The following DLGAP4 variants were observed in gnomAD, a reference collection of about 807,000 sequenced individuals.
The protein encoded by DLGAP4 is DLG associated protein 4, also known as disks large-associated protein 4.
In DLGAP4, 18 loss-of-function variants were observed where a neutral mutation model predicts 86.9. The ratio of observed to expected loss-of-function variants is 0.21; its 90% CI spans 0.14 to 0.31. The LOEUF is 0.31. Among genes scored for constraint, DLGAP4 ranks in the 10% least tolerant of loss-of-function variants. The pLI is 1.00. For synonymous variants in DLGAP4, 548 were observed against 574.3 expected, an observed-to-expected ratio of 0.95 and a Z score of 0.65; for missense variants, 1,085 against 1,362.6, an observed-to-expected ratio of 0.80 and a Z score of 3.21.
rs2031848916 is a variant in DLGAP4 at position 36,393,448 on chromosome 20, G to A, written c.-73+26173G>A. Reference sequence around the variant, plus strand: ...CGGCTGCTAACTTACGAAGTGCTGGGCTCCTGGGAGACGCTCTGGGGTCTG... The same window carrying A: ...CGGCTGCTAACTTACGAAGTGCTGGACTCCTGGGAGACGCTCTGGGGTCTG... On this transcript the variant is annotated intron_variant, in intron 2 of 12. Coordinates refer to ENST00000339266, the MANE Select transcript of DLGAP4 (RefSeq NM_001365621.2). This position sits in a 1 kb window ranked among gnomAD's most constrained non-coding sequence, Gnocchi z 4.4. 6.6e-6 allele frequency among the ~76,000 whole-genome samples: 1 copy of A among 152,150 alleles called. No homozygotes were observed. The highest frequency in any genetic ancestry group is 1.5e-5 in the Non-Finnish European group (1 of 68,018).
At chr20:36,518,158 G>A (rs2147843507) in intron 10 of DLGAP4, among the ~76,000 whole-genome samples, 1 of 151,790 alleles carries the variant, frequency 6.6e-6, no homozygotes, top group Admixed American at 6.6e-5. Context: ...GGAGGCAGAG[G>A]TTGCAGTGAG....
At chr20:36,465,381 A>C (rs1164067048) in intron 7 of DLGAP4, 5 of 152,202 alleles carry the variant, frequency 3.3e-5, no homozygotes, top group Non-Finnish European at 1.5e-5. Flanking sequence ...AATGAAAAAT[A>C]GGGGGCCCAG....
chr20:36,333,970 C>T (rs1201484848), intron 1 of DLGAP4, among the ~76,000 whole-genome samples: 2 of 152,256 alleles, frequency 1.3e-5, no homozygotes, highest in African/African-American at 4.8e-5. Context: ...CCCCACCCAG[C>T]GACCCACAAC....
intron 7 of DLGAP4, chr20:36,462,398 C>A: frequency 2.9e-6 from 4 of 1,367,990 alleles, no homozygotes; most frequent in South Asian, 1.8e-5. Flanking sequence ...CCACTCTGTG[C>A]CTCTTGCGCT....
intron 1 of DLGAP4, among the ~76,000 whole-genome samples, chr20:36,335,713 A>G (rs2065315016): frequency 6.6e-6 from 1 of 152,070 alleles, no homozygotes; most frequent in African/African-American, 2.4e-5. Context: ...GCCTTTGCAC[A>G]TGCTGTTTCC....
intron 7 of DLGAP4, chr20:36,462,403 T>TAAAAAATG: frequency 6.9e-7 from 1 of 1,456,898 alleles, no homozygotes; most frequent in South Asian, 1.5e-5. Flanking sequence ...CTGTGCCTCT[T>TAAAAAATG]GCGCTGAAGG....
chr20:36,493,845 G>A (rs558151657), intron 7 of DLGAP4, among the ~76,000 whole-genome samples: 1 of 152,250 alleles, frequency 6.6e-6, no homozygotes, highest in Non-Finnish European at 1.5e-5. Context: ...CACAGGCTCT[G>A]AGGCTTACGT....
intron 2 of DLGAP4, among the ~76,000 whole-genome samples, chr20:36,397,897 G>A (rs1431473512): frequency 2.6e-5 from 4 of 152,168 alleles, no homozygotes; most frequent in African/African-American, 7.2e-5. Context: ...TGAGGTGGGT[G>A]GATCACCTGA....
At chr20:36,501,566 G>C (rs566891725) in intron 10 of DLGAP4, among the ~76,000 whole-genome samples, 75 of 151,294 alleles carry the variant, frequency 5.0e-4, no homozygotes, top group African/African-American at 1.8e-3. Context: ...GTGGTTGGAG[G>C]GGGGTTGGGT....
At chr20:36,396,334 CACGCACACACACACA>C (rs2031951794) in intron 2 of DLGAP4, among the ~76,000 whole-genome samples, 1 of 358 alleles carries the variant, frequency 2.8e-3, no homozygotes, top group African/African-American at 0.015. Context: ...CACACACACA[CACGCACACACACACA>C]CACATACCAC....
intron 7 of DLGAP4, chr20:36,461,911 C>T (rs902351803): frequency 1.9e-5 from 19 of 984,884 alleles, no homozygotes; most frequent in African/African-American, 3.5e-5. Context: ...CTCGGGTCCC[C>T]TTCTCAGAGC....
intron 10 of DLGAP4, among the ~76,000 whole-genome samples, chr20:36,505,386 T>A (rs1003869204): frequency 1.3e-5 from 2 of 152,158 alleles, no homozygotes; most frequent in African/African-American, 2.4e-5. Flanking sequence ...TTAATAAAAA[T>A]TTAAGATAAA....
At chr20:36,361,212 A>T (rs544221902) in intron 1 of DLGAP4, among the ~76,000 whole-genome samples, 1 of 152,296 alleles carries the variant, frequency 6.6e-6, no homozygotes, top group South Asian at 2.1e-4. Flanking sequence ...CCCCCAGGGC[A>T]TGAGGGAACT....
chr20:36,315,853 C>A (rs1392634773), intron 1 of DLGAP4, among the ~76,000 whole-genome samples: 1 of 152,190 alleles, frequency 6.6e-6, no homozygotes, highest in Non-Finnish European at 1.5e-5. Flanking sequence ...AGGCTAAGGC[C>A]AGAGCTGACT....
chr20:36,329,722 C>A (rs1326288365), intron 1 of DLGAP4, among the ~76,000 whole-genome samples: 1 of 152,160 alleles, frequency 6.6e-6, no homozygotes, highest in Non-Finnish European at 1.5e-5. Context: ...CATGGTGAAA[C>A]CCCATCTCTA....
In DLGAP4 at chr20:36,306,627, G is replaced by T. The variant is rs1386577633; in HGVS notation, c.-304+115G>T. 6.6e-6 allele frequency: 1 copy of T among 151,686 alleles called. No homozygotes were observed. The allele number at this position is 151,686 out of a possible 1,614,324, so 9.4% of individuals were successfully genotyped here. On this transcript the variant is annotated intron_variant, in intron 1 of 12. Transcript: ENST00000339266. The surrounding 1 kb of genome is among the most constrained non-coding windows in gnomAD (Gnocchi z 4.9). ...CCTCCCCGACAGACCTCCCTGAACC[G>T]GGGGACGGCGCTGGCGCAGAAAAGC...
Position 36,416,429 on chromosome 20 carries a change from G to T in DLGAP4, c.-72-15217G>T, listed in dbSNP as rs554913875. ...GAGCCACGCACCCGGCCTAAACCAT[G>T]ACATTTTTGAGAATGAAACAGCACT... On this transcript the variant is annotated intron_variant, in intron 2 of 12. Transcript: ENST00000339266. 1.6e-4 allele frequency among the ~76,000 whole-genome samples: 25 copies of T among 152,308 alleles called. No individual in the cohort carries two copies. The South Asian group carries it at 5.2e-3, about 32-fold the overall frequency.
chr20:36,404,754 A>G (rs61250732), intron 2 of DLGAP4, among the ~76,000 whole-genome samples: 2 of 90,876 alleles, frequency 2.2e-5, no homozygotes, highest in East Asian at 3.8e-4. Flanking sequence ...TGGTTGGATG[A>G]ATGAATGAAT....
In DLGAP4 at chr20:36,528,381, A is replaced by G. The variant is rs752050397; in HGVS notation, c.*1350A>G. On this transcript the variant is annotated 3_prime_UTR_variant, in exon 13 of 13. Coordinates refer to ENST00000339266, the MANE Select transcript of DLGAP4 (RefSeq NM_001365621.2). ...AGCTCAGTACCTGAGGGGCTGCTCT[A>G]TGCTGTGTATGCGCCTCTCTGGCAT... 6.6e-6 allele frequency: 1 copy of G among 151,542 alleles called. No homozygotes were observed. The highest frequency in any genetic ancestry group is 1.5e-5 in the Non-Finnish European group (1 of 67,970). The allele number at this position is 151,542 out of a possible 1,614,324, so 9.4% of individuals were successfully genotyped here. A position where few individuals can be genotyped will look rare whatever the true frequency, so the allele number is the denominator to read the frequency against.
Sources: gnomAD v4.1 joint callset for allele counts (sites outside exome capture counted in the v4.1 genomes callset) on GRCh38, gnomAD v4.1.1 for gene constraint, Gnocchi (gnomAD v3.1) non-coding constraint, MANE v1.5 for transcripts, NCBI Gene and HGNC (gene_info 2026-07-23, HGNC 2026-07-21) for gene names.